The following FOXP1 variants were observed in gnomAD, a reference collection of about 807,000 sequenced individuals.
FOXP1 encodes forkhead box protein P1.
In FOXP1, 15 loss-of-function variants were observed where a neutral mutation model predicts 98.2. That is an observed-to-expected ratio of 0.15 (90% CI 0.10 to 0.24). The LOEUF (loss-of-function observed/expected upper bound fraction) is 0.24. Ranked by LOEUF, FOXP1 falls within the 10% of genes least tolerant of loss-of-function variation. FOXP1 has a pLI of 1.00. For missense variants in FOXP1, 633 were observed against 848.5 expected (o/e 0.75, Z 3.15); for synonymous variants, 371 against 314.5 (o/e 1.18, Z -1.90).
intron 4 of FOXP1, among the ~76,000 whole-genome samples, chr3:71,309,964 G>A (rs1292294590): frequency 6.6e-6 from 1 of 152,022 alleles, no homozygotes; most frequent in Admixed American, 6.6e-5. Flanking sequence ...TTTACTTTTG[G>A]GGGGCACTAA....
intron 2 of FOXP1, among the ~76,000 whole-genome samples, chr3:71,498,656 G>A (rs933413846): frequency 1.3e-5 from 2 of 152,060 alleles, no homozygotes; most frequent in African/African-American, 2.4e-5. Context: ...TGCTCATCAC[G>A]GGCATTTCTG....
Position 71,583,722 on chromosome 3 carries a change from C to A in FOXP1, c.-598G>T. Reference sequence around the variant, plus strand: ...CTCCCGGGCGAGGGCCGGGCCGCCGCGAGTACAGCGTGCAACCGCCACACA... The same window carrying A: ...CTCCCGGGCGAGGGCCGGGCCGCCGAGAGTACAGCGTGCAACCGCCACACA... On this transcript the variant is annotated 5_prime_UTR_variant, in exon 1 of 21. Coordinates refer to ENST00000649528, the MANE Select transcript of FOXP1 (RefSeq NM_001349338.3). 3.0e-6 allele frequency: 3 copies of A among 985,164 alleles called. No homozygotes were observed. Among genetic ancestry groups the A allele is most frequent in the Non-Finnish European group, 3.6e-6 (3 of 829,910 alleles). The allele number at this position is 985,164 out of a possible 1,614,324, so 61.0% of individuals were successfully genotyped here. A position where few individuals can be genotyped will look rare whatever the true frequency, so the allele number is the denominator to read the frequency against.
chr3:71,459,522 A>G (rs147978505), intron 3 of FOXP1, among the ~76,000 whole-genome samples: 46 of 152,318 alleles, frequency 3.0e-4, no homozygotes, highest in Admixed American at 1.2e-3. Flanking sequence ...TTTTCTATTC[A>G]GTTAATAAAG....
chr3:71,273,766 T>C (rs1477807912), intron 5 of FOXP1, among the ~76,000 whole-genome samples: 1 of 152,208 alleles, frequency 6.6e-6, no homozygotes, highest in Non-Finnish European at 1.5e-5. Flanking sequence ...AATGACTTCA[T>C]GCCAAATGCA....
intron 5 of FOXP1, among the ~76,000 whole-genome samples, chr3:71,213,985 G>C (rs966214509): frequency 1.3e-5 from 2 of 152,182 alleles, no homozygotes; most frequent in South Asian, 2.1e-4. Flanking sequence ...GAAGTACAAA[G>C]AATCAGTCGG....
chr3:71,222,131 G>A (rs183466343), intron 5 of FOXP1, among the ~76,000 whole-genome samples: 1 of 152,158 alleles, frequency 6.6e-6, no homozygotes, highest in African/African-American at 2.4e-5. Context: ...CCAGCCTGGT[G>A]CCAGAGCGAG....
At position 71,013,397 on chromosome 3, in the gene FOXP1, C is replaced by G. The variant is rs371892811; in HGVS notation, c.974+2152G>C. ...ATTTTATAAAAATAAAGTGCATATG[C>G]AATTGCTTCAAAGAGAATAAAATAC... On this transcript the variant is annotated intron_variant, in intron 12 of 20. Transcript: ENST00000649528. Among the ~76,000 whole-genome samples the G allele has an allele frequency of 6.6e-5, 10 of 152,134 alleles. No individual in the cohort carries two copies. In the East Asian group the frequency reaches 1.5e-3, roughly 23 times the overall value.
At chr3:71,197,951 T>C (rs1380940113) in intron 6 of FOXP1, 8 of 1,614,096 alleles carry the variant, frequency 5.0e-6, no homozygotes, top group Non-Finnish European at 8.5e-7. Context: ...CTCATCTTCG[T>C]CTCAGCAACT....
At chr3:71,562,664 A>G (rs755674463) in intron 2 of FOXP1, among the ~76,000 whole-genome samples, 1 of 152,228 alleles carries the variant, frequency 6.6e-6, no homozygotes, top group Non-Finnish European at 1.5e-5. Flanking sequence ...ACAGAAGAGT[A>G]AACTGAGGCT....
At chr3:71,065,300 T>C (rs1304616289) in intron 7 of FOXP1, among the ~76,000 whole-genome samples, 1 of 152,064 alleles carries the variant, frequency 6.6e-6, no homozygotes, top group Non-Finnish European at 1.5e-5. Flanking sequence ...GTTTCGTCTT[T>C]GAGACTGACA....
intron 6 of FOXP1, among the ~76,000 whole-genome samples, chr3:71,124,591 T>G (rs150417657): frequency 1.3e-5 from 2 of 150,930 alleles, no homozygotes; most frequent in Non-Finnish European, 2.9e-5. Context: ...AAGTGTGTGG[T>G]GCACATATTA....
At chr3:70,979,382 T>C (rs985308787) in intron 14 of FOXP1, among the ~76,000 whole-genome samples, 3 of 150,180 alleles carry the variant, frequency 2.0e-5, no homozygotes, top group Admixed American at 1.3e-4. Flanking sequence ...CTTAAAGTAC[T>C]GTTCTTACAA....
intron 6 of FOXP1, among the ~76,000 whole-genome samples, chr3:71,149,587 G>T (rs916753401): frequency 1.3e-5 from 2 of 152,004 alleles, no homozygotes; most frequent in African/African-American, 4.8e-5. Flanking sequence ...CTACATTTAT[G>T]CCTTTTATCA....
At chr3:71,432,447 G>A (rs750914644) in intron 3 of FOXP1, among the ~76,000 whole-genome samples, 2 of 151,932 alleles carry the variant, frequency 1.3e-5, no homozygotes, top group African/African-American at 4.8e-5. Flanking sequence ...CACCCCTCCC[G>A]GGCCCTGGCC....
chr3:71,303,805 G>A (rs1178736479), intron 4 of FOXP1, among the ~76,000 whole-genome samples: 1 of 152,034 alleles, frequency 6.6e-6, no homozygotes, highest in East Asian at 1.9e-4. Flanking sequence ...ACGGAAAAAG[G>A]GGAGAAAGGA....
intron 3 of FOXP1, among the ~76,000 whole-genome samples, chr3:71,437,994 C>G (rs78029569): frequency 2.0e-3 from 312 of 152,308 alleles, no homozygotes; most frequent in African/African-American, 7.1e-3. Flanking sequence ...GAAACAATAA[C>G]AGTGACTTAT....
chr3:71,566,400 CA>C (rs2046915088), intron 2 of FOXP1, among the ~76,000 whole-genome samples: 1 of 152,172 alleles, frequency 6.6e-6, no homozygotes, highest in South Asian at 2.1e-4. Context: ...GACACCTTGC[CA>C]GGGAAAAATA....
chr3:71,088,467 C>T (rs2055407574), intron 7 of FOXP1, among the ~76,000 whole-genome samples: 1 of 150,902 alleles, frequency 6.6e-6, no homozygotes, highest in Non-Finnish European at 1.5e-5. Flanking sequence ...GCTTTCTCTG[C>T]TGCTCACTCT....
chr3:71,511,040 A>G (rs1219144864), intron 2 of FOXP1, among the ~76,000 whole-genome samples: 1 of 152,222 alleles, frequency 6.6e-6, no homozygotes, highest in African/African-American at 2.4e-5. Context: ...GAGCCTCACA[A>G]TGTTTGGCAG....
Sources: allele counts gnomAD v4.1 joint callset (sites outside exome capture counted in the v4.1 genomes callset), GRCh38; gene constraint gnomAD v4.1.1; transcripts MANE v1.5; gene names NCBI Gene and HGNC (gene_info 2026-07-23, HGNC 2026-07-21).